ANK2: variants seen among roughly 807,000 people sequenced by gnomAD.
ANK2 encodes the protein ankyrin-2.
A neutral mutation model predicts 360.5 loss-of-function variants in ANK2; 83 were observed. The ratio of observed to expected loss-of-function variants is 0.23; its 90% CI spans 0.19 to 0.28. The LOEUF (loss-of-function observed/expected upper bound fraction) is 0.28. ANK2 is among the 10% of genes least tolerant of loss of function. The pLI is 1.00. For missense variants in ANK2, 4,201 were observed against 4,795.7 expected, an observed-to-expected ratio of 0.88 and a Z score of 3.66; for synonymous variants, 1,740 against 1,759.5, an observed-to-expected ratio of 0.99 and a Z score of 0.28.
chr4:112,760,869 C>T, the ANK2 span, among the ~76,000 whole-genome samples: 60 of 147,418 alleles, frequency 4.1e-4, 1 homozygote, highest in Admixed American at 4.0e-3. Flanking sequence ...TCCAGTGGTG[C>T]GATCTCGGCT....
At chr4:113,300,774 C>T (rs894322341) in intron 22 of ANK2, among the ~76,000 whole-genome samples, 6 of 152,158 alleles carry the variant, frequency 3.9e-5, no homozygotes, top group Admixed American at 3.9e-4. Flanking sequence ...TCAACACGAT[C>T]GTAGCATGGA....
At chr4:113,154,335 G>C (rs2097200352) in intron 1 of ANK2, among the ~76,000 whole-genome samples, 1 of 152,132 alleles carries the variant, frequency 6.6e-6, no homozygotes, top group African/African-American at 2.4e-5. Flanking sequence ...CAAGGAGTAA[G>C]GTACTATAAG....
chr4:112,811,807 T>A, the ANK2 span, among the ~76,000 whole-genome samples: 3 of 152,166 alleles, frequency 2.0e-5, no homozygotes, highest in African/African-American at 7.2e-5. Flanking sequence ...CCGGGCGCGG[T>A]GGCTCACGCC....
chr4:113,099,156 T>A (rs1243237053), intron 1 of ANK2, among the ~76,000 whole-genome samples: 1 of 151,870 alleles, frequency 6.6e-6, no homozygotes, highest in African/African-American at 2.4e-5. Flanking sequence ...GCTTAGCTAA[T>A]ACAATAACAC....
At chr4:113,237,827 A>G (rs1249382243) in intron 7 of ANK2, among the ~76,000 whole-genome samples, 1 of 152,256 alleles carries the variant, frequency 6.6e-6, no homozygotes, top group Non-Finnish European at 1.5e-5. Flanking sequence ...TTTTATCAGT[A>G]AAACTATTTA....
At chr4:113,024,448 AT>A (rs2058819232) in intron 2 of ANK2, among the ~76,000 whole-genome samples, 1 of 152,102 alleles carries the variant, frequency 6.6e-6, no homozygotes. Flanking sequence ...GGATACAAAA[AT>A]TTTCCTTGAT....
intron 1 of ANK2, among the ~76,000 whole-genome samples, chr4:113,130,082 TTAA>T (rs1168855870): frequency 1.3e-5 from 2 of 152,204 alleles, no homozygotes; most frequent in African/African-American, 4.8e-5. Flanking sequence ...TGTTTCAGTG[TTAA>T]TAATTTATAA....
Position 113,106,826 on chromosome 4 carries a change from A to G in ANK2, c.84+57014A>G, listed in dbSNP as rs78892203. 6.0e-5 allele frequency: 31 copies of G among 513,684 alleles called. No individual in the cohort carries two copies. In the East Asian group the frequency reaches 1.7e-3, roughly 27 times the overall value. The allele number at this position is 513,684 out of a possible 1,614,324, so 31.8% of individuals were successfully genotyped here. A position where few individuals can be genotyped will look rare whatever the true frequency, so the allele number is the denominator to read the frequency against. On this transcript the variant is annotated intron_variant, in intron 1 of 45. Coordinates refer to ENST00000357077, the MANE Select transcript of ANK2 (RefSeq NM_001148.6). ...AGATTGGTTGACTCTGTACTCTTTT[A>G]TTTTATTCCTGTAACTGGGCCAGTT...
At chr4:113,159,840 T>C (rs2097452360) in intron 1 of ANK2, among the ~76,000 whole-genome samples, 1 of 152,074 alleles carries the variant, frequency 6.6e-6, no homozygotes, top group Admixed American at 6.6e-5. Flanking sequence ...CAGGCTGGTC[T>C]CAAACTCCTG....
the ANK2 span, among the ~76,000 whole-genome samples, chr4:112,735,904 G>A: frequency 6.6e-6 from 1 of 152,012 alleles, no homozygotes; most frequent in African/African-American, 2.4e-5. Flanking sequence ...TTCTACATAG[G>A]TGACTCATAT....
At chr4:113,150,536 G>C (rs1158621860) in intron 1 of ANK2, among the ~76,000 whole-genome samples, 1 of 152,192 alleles carries the variant, frequency 6.6e-6, no homozygotes, top group East Asian at 1.9e-4. Context: ...CCAGGCATGG[G>C]CCTACCAAGA....
intron 32 of ANK2, 56 bp from the exon 33 acceptor site, chr4:113,341,628 TTTTA>T (rs2094314163): frequency 6.4e-6 from 10 of 1,560,644 alleles, no homozygotes; most frequent in Admixed American, 3.3e-5. Context: ...AAGGAACTGA[TTTTA>T]TTTTTCACAT....
chr4:112,796,456 CTA>C, the ANK2 span, among the ~76,000 whole-genome samples: 3 of 79,464 alleles, frequency 3.8e-5, no homozygotes, highest in South Asian at 9.1e-4. Context: ...ATATATCTAT[CTA>C]TATATATACA....
rs1397024326 is a variant in ANK2 at position 113,302,793 on chromosome 4, T to G, written c.2502T>G (p.Asn834Lys). Residue 834 changes from asparagine (N) to lysine (K), a missense_variant, in exon 23 of 46, where the codon AAT becomes AAG. Asn to Lys is a moderately conservative substitution (Grantham distance 94, BLOSUM62 0). Coordinates refer to ENST00000357077, the MANE Select transcript of ANK2 (RefSeq NM_001148.6). ...TTTITEKHKL[N>K]VPETMTEVLD... ...CTATTACAGAAAAACACAAACTAAA[T>G]GTACCTGAGACGATGACTGAGGTTC... 6.2e-7 allele frequency: 1 copy of G among 1,613,980 alleles called. No homozygotes were observed. The highest frequency in any genetic ancestry group is 1.1e-5 in the South Asian group (1 of 91,068).
the ANK2 span, among the ~76,000 whole-genome samples, chr4:112,761,167 A>G: frequency 6.6e-6 from 1 of 152,084 alleles, no homozygotes; most frequent in African/African-American, 2.4e-5. Context: ...TTACATTTGA[A>G]TGTATGTTGT....
Position 113,354,918 on chromosome 4 carries a change from T to C in ANK2, c.6300T>C (p.Pro2100=). The C allele has an allele frequency of 6.2e-7, 1 of 1,614,012 alleles. No homozygotes were observed. The highest frequency in any genetic ancestry group is 2.2e-5 in the East Asian group (1 of 44,864). The part of the protein sequence containing the change: ...HKIPEPVQSV[P]EEESHRESEV... ...TACCTGAACCTGTTCAGTCAGTGCCTGAAGAAGAAAGCCACAGAGAGAGCG... is the reference window on the plus strand; with the variant it reads ...TACCTGAACCTGTTCAGTCAGTGCCCGAAGAAGAAAGCCACAGAGAGAGCG... Residue 2100 remains proline, a synonymous_variant, in exon 38 of 46, where the codon CCT becomes CCC. Transcript: ENST00000357077.
At position 113,274,540 on chromosome 4, in the gene ANK2, C is replaced by T. The variant is rs1198719430; in HGVS notation, c.1574C>T (p.Ala525Val). Residue 525 changes from alanine to valine, a missense_variant, in exon 15 of 46, where the codon GCG (alanine) becomes GTG (valine). Around this residue, in one of 4 missense-constraint regions of ANK2, gnomAD observed 1,268 missense variants for 1,650.8 expected, o/e 0.77. Transcript: ENST00000357077. ...LLLQHMAHPD[A>V]ATTNGYTPLH... Reference sequence around the variant, plus strand: ...CTACAACATATGGCTCATCCAGATGCGGCCACTACAAATGGGTACACACCA... The same window carrying T: ...CTACAACATATGGCTCATCCAGATGTGGCCACTACAAATGGGTACACACCA... 4.3e-6 allele frequency: 7 copies of T among 1,614,182 alleles called. No homozygotes were observed. Among genetic ancestry groups the T allele is most frequent in the Non-Finnish European group, 5.9e-6 (7 of 1,180,026 alleles).
Position 113,165,557 on chromosome 4 carries a change from G to A in ANK2, c.85-8859G>A, listed in dbSNP as rs144911490. On this transcript the variant is annotated intron_variant, in intron 1 of 45. Transcript: ENST00000357077. ...TCAAATATATCTGTTCAAACAGTAT[G>A]GTTAGAGGTTGTATGTGGAATTCAA... Among the ~76,000 whole-genome samples, 503 of 152,164 alleles carry A rather than the reference G, an allele frequency of 3.3e-3. 20 individuals are homozygous for A. In the South Asian group the frequency reaches 0.07, roughly 21 times the overall value.
intron 1 of ANK2, among the ~76,000 whole-genome samples, chr4:112,846,285 T>C (rs2063285063): frequency 6.6e-6 from 1 of 152,050 alleles, no homozygotes; most frequent in African/African-American, 2.4e-5. Flanking sequence ...GTACTTTTTG[T>C]ACTTTTTGTA....
Sources: gnomAD v4.1 joint callset for allele counts (sites outside exome capture counted in the v4.1 genomes callset) on GRCh38, gnomAD v4.1.1 for gene constraint, gnomAD v4.1.1 regional missense constraint, MANE v1.5 for transcripts, NCBI Gene and HGNC (gene_info 2026-07-23, HGNC 2026-07-21) for gene names.